ANXA8: variants seen among roughly 807,000 people sequenced by gnomAD.
ANXA8 encodes the protein VAC-beta.
Under a neutral mutation model 26.8 loss-of-function variants are expected in ANXA8, and 9 were observed. The ratio of observed to expected loss-of-function variants is 0.34; its 90% CI spans 0.20 to 0.59. The LOEUF is 0.59. Among genes scored for constraint, ANXA8 ranks in the 20% least tolerant of loss-of-function variants. The probability of loss-of-function intolerance (pLI) is 0.84; values close to 1 mark genes in which losing one functional copy is unlikely to be tolerated. For missense variants in ANXA8, 83 were observed against 238.5 expected (o/e 0.35, Z 4.29); for synonymous variants, 39 against 94.8 (o/e 0.41, Z 3.42).
the ANXA8 span, among the ~76,000 whole-genome samples, chr10:47,559,168 T>C: frequency 7.0e-6 from 1 of 141,882 alleles, no homozygotes; most frequent in Non-Finnish European, 1.5e-5. Context: ...TTTTTTTTTT[T>C]TGAGGCGGAG....
intron 8 of ANXA8, 76 bp from the exon 9 acceptor site, chr10:47,474,141 A>G: frequency 5.5e-6 from 3 of 547,438 alleles, no homozygotes; most frequent in Non-Finnish European, 6.3e-6. Context: ...CAGAGATCGC[A>G]CATCAATTTG....
the ANXA8 span, among the ~76,000 whole-genome samples, chr10:47,940,874 T>A: frequency 1.5e-5 from 2 of 134,014 alleles, no homozygotes; most frequent in African/African-American, 6.0e-5. Context: ...ATATTGCAAA[T>A]TAAGCTCAAT....
the ANXA8 span, among the ~76,000 whole-genome samples, chr10:47,945,191 T>A: frequency 6.7e-6 from 1 of 149,856 alleles, no homozygotes; most frequent in Admixed American, 6.6e-5. Context: ...CACTGCCACA[T>A]GGGGTTGCTG....
the ANXA8 span, chr10:47,763,588 A>G: frequency 4.5e-6 from 2 of 444,008 alleles, no homozygotes; most frequent in African/African-American, 4.2e-5. Context: ...GGTGATTATT[A>G]GAACGCAGGG....
the ANXA8 span, among the ~76,000 whole-genome samples, chr10:47,663,633 C>T: frequency 9.8e-5 from 13 of 132,630 alleles, 1 homozygote; most frequent in African/African-American, 1.3e-4. Flanking sequence ...ATCCTCCTGC[C>T]TCGGCCTCCC....
the ANXA8 span, among the ~76,000 whole-genome samples, chr10:47,701,099 C>A: frequency 1.4e-5 from 2 of 144,012 alleles, no homozygotes; most frequent in African/African-American, 2.6e-5. Context: ...AGTCAATTTT[C>A]AAAAAAAGAT....
At chr10:47,975,987 G>A in the ANXA8 span, among the ~76,000 whole-genome samples, 1 of 150,162 alleles carries the variant, frequency 6.7e-6, no homozygotes, top group African/African-American at 2.4e-5. Flanking sequence ...TCTGACTGAA[G>A]GGTAAATTGA....
At chr10:47,733,258 T>TC in the ANXA8 span, among the ~76,000 whole-genome samples, 1 of 109,774 alleles carries the variant, frequency 9.1e-6, no homozygotes, top group Non-Finnish European at 1.9e-5. Flanking sequence ...TTTCTTTCTT[T>TC]CTTTCTTTCT....
the ANXA8 span, among the ~76,000 whole-genome samples, chr10:47,896,904 TTTTATTTATTTA>T: frequency 6.8e-5 from 10 of 146,016 alleles, no homozygotes; most frequent in African/African-American, 2.3e-4. Flanking sequence ...AATGAAGAGA[TTTTATTTATTTA>T]TTTATTTATT....
the ANXA8 span, among the ~76,000 whole-genome samples, chr10:47,624,495 C>T: frequency 3.7e-5 from 4 of 106,788 alleles, no homozygotes; most frequent in Middle Eastern, 4.7e-3. Flanking sequence ...TGATATTTAA[C>T]AATATTCTCT....
At chr10:47,600,294 C>T in the ANXA8 span, among the ~76,000 whole-genome samples, 1 of 150,574 alleles carries the variant, frequency 6.6e-6, no homozygotes, top group South Asian at 2.1e-4. Flanking sequence ...AGCAAGGCTG[C>T]GAAGCCCCGG....
At chr10:47,498,182 C>T in the ANXA8 span, among the ~76,000 whole-genome samples, 29 of 150,490 alleles carry the variant, frequency 1.9e-4, no homozygotes, top group African/African-American at 5.8e-4. Flanking sequence ...TGGCAACCCC[C>T]GTTCTACCTT....
At chr10:47,618,392 T>C in the ANXA8 span, among the ~76,000 whole-genome samples, 3 of 111,634 alleles carry the variant, frequency 2.7e-5, 1 homozygote, top group Non-Finnish European at 5.9e-5. Context: ...ATAAATTACA[T>C]ATGAAAATTC....
At chr10:47,949,626 G>T in the ANXA8 span, among the ~76,000 whole-genome samples, 3 of 150,736 alleles carry the variant, frequency 2.0e-5, no homozygotes, top group Non-Finnish European at 4.4e-5. Flanking sequence ...ATGATGGACA[G>T]AATGGAGGAA....
chr10:47,720,351 A>G, the ANXA8 span, among the ~76,000 whole-genome samples: 4 of 145,092 alleles, frequency 2.8e-5, no homozygotes, highest in Non-Finnish European at 6.0e-5. Flanking sequence ...CCAAAATCTA[A>G]ATGCTCATAA....
At chr10:47,485,227 C>T (rs3006281), upstream of ANXA8, among the ~76,000 whole-genome samples, 631 of 123,514 alleles carry the variant, frequency 5.1e-3, 5 homozygotes, top group African/African-American at 0.014. Context: ...TTTCTAATCT[C>T]TCAGTAATAC....
At chr10:47,555,527 TA>T in the ANXA8 span, among the ~76,000 whole-genome samples, 6 of 151,964 alleles carry the variant, frequency 3.9e-5, no homozygotes, top group African/African-American at 1.5e-4. Flanking sequence ...TTCTCTTTCC[TA>T]ATCGGACTCT....
chr10:47,491,750 T>G, the ANXA8 span: 13 of 1,546,080 alleles, frequency 8.4e-6, no homozygotes, highest in Non-Finnish European at 1.0e-5. Context: ...CTCTGGTGCC[T>G]ATCTAGGCTC....
chr10:47,970,705 G>T, the ANXA8 span, among the ~76,000 whole-genome samples: 5 of 151,382 alleles, frequency 3.3e-5, 1 homozygote, highest in Non-Finnish European at 5.9e-5. Flanking sequence ...TTTTATTTGA[G>T]AATTTTGGAA....
Sources: gnomAD v4.1 joint callset for allele counts (sites outside exome capture counted in the v4.1 genomes callset) on GRCh38, gnomAD v4.1.1 for gene constraint, MANE v1.5 for transcripts, NCBI Gene and HGNC (gene_info 2026-07-23, HGNC 2026-07-21) for gene names.